Variants in CSMD2 observed in about 807,000 individuals in gnomAD.
The protein encoded by CSMD2 is CUB and Sushi multiple domains 2.
CSMD2 carries 130 observed loss-of-function variants against 398.5 expected under a neutral mutation model. That is an observed-to-expected ratio of 0.33 (90% CI 0.28 to 0.38). CSMD2 has a LOEUF of 0.38. Among genes scored for constraint, CSMD2 ranks in the 10% least tolerant of loss-of-function variants. CSMD2 has a pLI of 1.00. For missense variants in CSMD2, 3,829 were observed against 4,764.9 expected (o/e 0.80, Z 5.78); for synonymous variants, 1,828 against 1,908.5 (o/e 0.96, Z 1.10).
At chr1:33,792,359 AACCCC>A in intron 11 of CSMD2, 59 bp downstream of exon 11, 2 of 1,180,652 alleles carry the variant, frequency 1.7e-6, no homozygotes, top group Non-Finnish European at 2.5e-6. Flanking sequence ...GGACTCCACA[AACCCC>A]ACCCCACCAA....
chr1:33,848,104 A>G (rs1003254830), intron 5 of CSMD2, among the ~76,000 whole-genome samples: 1 of 152,166 alleles, frequency 6.6e-6, no homozygotes, highest in Non-Finnish European at 1.5e-5. Context: ...TCTTTCACAT[A>G]GGTCCTTATA....
At chr1:34,093,738 T>C (rs10436870) in intron 1 of CSMD2, among the ~76,000 whole-genome samples, 1,677 of 150,154 alleles carry the variant, frequency 0.011, 17 homozygotes, top group East Asian at 0.036. Flanking sequence ...AGCAAAGCCT[T>C]CAAGAAATAT....
At chr1:33,947,313 A>G (rs1644869250) in intron 3 of CSMD2, among the ~76,000 whole-genome samples, 1 of 152,194 alleles carries the variant, frequency 6.6e-6, no homozygotes, top group South Asian at 2.1e-4. Flanking sequence ...CCCCTGCCCA[A>G]GGCTGAGTCT....
At chr1:33,852,345 C>T (rs1638771657) in intron 5 of CSMD2, among the ~76,000 whole-genome samples, 1 of 152,246 alleles carries the variant, frequency 6.6e-6, no homozygotes, top group African/African-American at 2.4e-5. Context: ...GTTGAACCCA[C>T]TGGCTCCAGA....
intron 3 of CSMD2, among the ~76,000 whole-genome samples, chr1:33,966,663 G>T (rs1645568593): frequency 6.6e-6 from 1 of 152,208 alleles, no homozygotes; most frequent in Non-Finnish European, 1.5e-5. Context: ...AGAAGCTGCG[G>T]GTGAATTAAG....
intron 3 of CSMD2, among the ~76,000 whole-genome samples, chr1:34,017,719 A>T (rs1439886779): frequency 6.6e-6 from 1 of 152,242 alleles, no homozygotes. Flanking sequence ...ATAGCACTCC[A>T]GCCTGGGTGA....
At chr1:33,610,014 A>G (rs1173829336) in intron 41 of CSMD2, among the ~76,000 whole-genome samples, 1 of 152,158 alleles carries the variant, frequency 6.6e-6, no homozygotes, top group Non-Finnish European at 1.5e-5. Context: ...CCCTTCCACC[A>G]TGTGAGGACG....
intron 10 of CSMD2, among the ~76,000 whole-genome samples, chr1:33,798,970 G>A (rs552476894): frequency 4.2e-4 from 64 of 152,352 alleles, no homozygotes; most frequent in African/African-American, 1.5e-3. Context: ...CCCGGGAGAT[G>A]TAGACTGAGG....
chr1:33,928,111 T>C (rs1301390818), intron 4 of CSMD2, among the ~76,000 whole-genome samples: 1 of 152,184 alleles, frequency 6.6e-6, no homozygotes, highest in Non-Finnish European at 1.5e-5. Context: ...CACAGCATCA[T>C]TGTGAGTCTC....
At chr1:33,545,160 C>A (rs1051404867) in intron 57 of CSMD2, among the ~76,000 whole-genome samples, 7 of 152,168 alleles carry the variant, frequency 4.6e-5, no homozygotes, top group African/African-American at 1.7e-4. Flanking sequence ...CTCACTCAAA[C>A]TTACTCTCAT....
chr1:34,009,678 T>C (rs1647183471), intron 3 of CSMD2, among the ~76,000 whole-genome samples: 1 of 152,098 alleles, frequency 6.6e-6, no homozygotes, highest in Non-Finnish European at 1.5e-5. Context: ...TAGCATATAG[T>C]AGCGCTTAAC....
chr1:33,567,496 T>TATATATATATATATA (rs61334036), intron 53 of CSMD2, 97 bp downstream of exon 53: 194 of 934,074 alleles, frequency 2.1e-4, no homozygotes, highest in East Asian at 5.7e-4. Flanking sequence ...TATATATATA[T>TATATATATATATATA]TTAAAACAAA....
chr1:34,074,726 A>G (rs1656118316), intron 2 of CSMD2, among the ~76,000 whole-genome samples: 1 of 122,216 alleles, frequency 8.2e-6, no homozygotes. Context: ...AATGAAGAAG[A>G]CACACACACA....
At chr1:34,079,385 T>G (rs1406202122) in intron 2 of CSMD2, among the ~76,000 whole-genome samples, 1 of 152,174 alleles carries the variant, frequency 6.6e-6, no homozygotes, top group Non-Finnish European at 1.5e-5. Flanking sequence ...ACAAGATCAA[T>G]TTACAAAAAT....
At chr1:33,521,438 C>T in intron 68 of CSMD2, 25 bp downstream of exon 68, 1 of 1,328,748 alleles carries the variant, frequency 7.5e-7, no homozygotes, top group Non-Finnish European at 1.1e-6. Context: ...CGGGCCCACA[C>T]TTCCGGGGGA....
At chr1:33,746,953 A>G (rs1647468156) in intron 13 of CSMD2, among the ~76,000 whole-genome samples, 1 of 152,206 alleles carries the variant, frequency 6.6e-6, no homozygotes, top group Non-Finnish European at 1.5e-5. Context: ...GTAACCCTGC[A>G]TGTATTTATC....
At chr1:33,773,008 T>C (rs1406280158) in intron 12 of CSMD2, among the ~76,000 whole-genome samples, 1 of 152,232 alleles carries the variant, frequency 6.6e-6, no homozygotes, top group Non-Finnish European at 1.5e-5. Flanking sequence ...TAAAGTGTTC[T>C]AGATGCTTGG....
chr1:33,747,229 T>A lies in CSMD2; in HGVS notation c.1847-3623A>T, dbSNP rs921730926. ...CAAATAAACCAATATGGTAATGAAT[T>A]TAAATAATTTATGTAAACATAGTTA... On this transcript the variant is annotated intron_variant, in intron 13 of 70. Transcript: ENST00000373381. 3.3e-5 allele frequency among the ~76,000 whole-genome samples: 5 copies of A among 152,198 alleles called. 1 individual carries two copies. The highest frequency in any genetic ancestry group is 4.4e-5 in the Non-Finnish European group (3 of 68,022).
At chr1:33,887,355 T>G (rs2125193342) in intron 5 of CSMD2, among the ~76,000 whole-genome samples, 1 of 152,306 alleles carries the variant, frequency 6.6e-6, no homozygotes, top group East Asian at 1.9e-4. Flanking sequence ...AAGTAAGCTG[T>G]GATATATCCA....
Sources: gnomAD v4.1 joint callset for allele counts (sites outside exome capture counted in the v4.1 genomes callset) on GRCh38, gnomAD v4.1.1 for gene constraint, MANE v1.5 for transcripts, NCBI Gene and HGNC (gene_info 2026-07-23, HGNC 2026-07-21) for gene names.